Variants in SPOCK3 observed in about 807,000 individuals in gnomAD.
SPOCK3 encodes the protein testican-3.
A neutral mutation model predicts 56.6 loss-of-function variants in SPOCK3; 30 were observed. That is an observed-to-expected ratio of 0.53 (90% confidence interval 0.40 to 0.72). The LOEUF (loss-of-function observed/expected upper bound fraction) is 0.72. SPOCK3 is among the 30% of genes least tolerant of loss of function. The pLI is 0.00. For synonymous variants in SPOCK3, 196 were observed against 183.3 expected (o/e 1.07, Z -0.56); for missense variants, 527 against 530.0 (o/e 0.99, Z 0.06).
At chr4:167,223,895 C>T (rs538433486) in intron 2 of SPOCK3, among the ~76,000 whole-genome samples, 3 of 151,954 alleles carry the variant, frequency 2.0e-5, no homozygotes, top group Admixed American at 6.6e-5. Context: ...AAGAGTCTGT[C>T]GTATTTTTAT....
At chr4:167,031,568 A>G (rs1371134311) in intron 3 of SPOCK3, among the ~76,000 whole-genome samples, 1 of 152,084 alleles carries the variant, frequency 6.6e-6, no homozygotes, top group Admixed American at 6.6e-5. Context: ...AAATATTTGA[A>G]TTACAGAGCC....
At chr4:167,205,806 T>C (rs1363628875) in intron 2 of SPOCK3, among the ~76,000 whole-genome samples, 1 of 146,930 alleles carries the variant, frequency 6.8e-6, no homozygotes, top group African/African-American at 2.6e-5. Flanking sequence ...AGACGGGTTT[T>C]CACATGTTGG....
At chr4:167,023,868 T>C (rs940660086) in intron 3 of SPOCK3, among the ~76,000 whole-genome samples, 1 of 152,100 alleles carries the variant, frequency 6.6e-6, no homozygotes, top group African/African-American at 2.4e-5. Context: ...GACTGTTTTC[T>C]ATCCTGCTCT....
At chr4:166,900,715 C>T (rs572690177) in intron 5 of SPOCK3, among the ~76,000 whole-genome samples, 1 of 152,200 alleles carries the variant, frequency 6.6e-6, no homozygotes, top group East Asian at 1.9e-4. Flanking sequence ...TAATGGGTCT[C>T]TCTTTATAAA....
intron 2 of SPOCK3, among the ~76,000 whole-genome samples, chr4:167,223,734 G>A (rs1209927455): frequency 2.0e-5 from 3 of 152,088 alleles, no homozygotes; most frequent in Non-Finnish European, 4.4e-5. Context: ...AAGATCACTT[G>A]AGCCTAGGAG....
chr4:166,743,073 C>T (rs532184659), intron 8 of SPOCK3, among the ~76,000 whole-genome samples: 33 of 152,008 alleles, frequency 2.2e-4, no homozygotes, highest in African/African-American at 6.0e-4. Flanking sequence ...CGATCCCCCT[C>T]GGATACTAAG....
intron 2 of SPOCK3, among the ~76,000 whole-genome samples, chr4:167,168,739 C>A (rs1296018658): frequency 6.6e-6 from 1 of 152,042 alleles, no homozygotes; most frequent in Admixed American, 6.6e-5. Flanking sequence ...TAACAAGGAG[C>A]CAAATGTTAA....
At chr4:167,202,088 T>C (rs1733570178) in intron 2 of SPOCK3, among the ~76,000 whole-genome samples, 1 of 151,984 alleles carries the variant, frequency 6.6e-6, no homozygotes, top group South Asian at 2.1e-4. Context: ...ATAGAAAATG[T>C]TGTTTTATAA....
At chr4:167,141,902 G>GA (rs1763564410) in intron 2 of SPOCK3, among the ~76,000 whole-genome samples, 2 of 151,974 alleles carry the variant, frequency 1.3e-5, no homozygotes, top group South Asian at 4.1e-4. Context: ...TTAGAACAAA[G>GA]AAAAAATCTA....
chr4:167,215,622 A>G (rs1243350655), intron 2 of SPOCK3, among the ~76,000 whole-genome samples: 2 of 152,192 alleles, frequency 1.3e-5, no homozygotes, highest in African/African-American at 2.4e-5. Flanking sequence ...TGAAGAATGC[A>G]TGAAAGAGGA....
intron 4 of SPOCK3, among the ~76,000 whole-genome samples, chr4:166,933,803 A>G (rs1199598785): frequency 6.6e-6 from 1 of 152,170 alleles, no homozygotes; most frequent in Non-Finnish European, 1.5e-5. Context: ...ACCATTATAA[A>G]ATTCTTGGTT....
intron 4 of SPOCK3, among the ~76,000 whole-genome samples, chr4:166,950,411 T>C (rs1486530564): frequency 6.6e-6 from 1 of 151,684 alleles, no homozygotes; most frequent in Non-Finnish European, 1.5e-5. Flanking sequence ...ATGCACCCAA[T>C]ACAGGAGCAC....
chr4:166,789,358 G>C (rs1221888943), intron 7 of SPOCK3, among the ~76,000 whole-genome samples: 1 of 152,024 alleles, frequency 6.6e-6, no homozygotes, highest in Non-Finnish European at 1.5e-5. Flanking sequence ...GAACACTGGA[G>C]GGAGAGGTTG....
At chr4:166,742,664 T>C (rs1006971363) in intron 8 of SPOCK3, among the ~76,000 whole-genome samples, 1 of 152,166 alleles carries the variant, frequency 6.6e-6, no homozygotes, top group Non-Finnish European at 1.5e-5. Context: ...TTCAGCCATA[T>C]ATGCAATTTA....
chr4:167,205,326 AATATATATTATATATTATATATATAAT>A (rs1734024572), intron 2 of SPOCK3, among the ~76,000 whole-genome samples: 2 of 39,268 alleles, frequency 5.1e-5, no homozygotes, highest in African/African-American at 2.0e-4. Context: ...TTATATATAT[AATATATATTATATATTATATATATAAT>A]ATATATATTA....
At chr4:166,873,219 A>G (rs1732677167) in intron 6 of SPOCK3, among the ~76,000 whole-genome samples, 2 of 151,364 alleles carry the variant, frequency 1.3e-5, no homozygotes, top group African/African-American at 4.9e-5. Flanking sequence ...AAAAAAAAAA[A>G]AAACATCAGT....
rs563387317 is a variant in SPOCK3, at chr4:166,976,255, T to C, written c.350+24094A>G. ...GCATCATTGACTTCTCCTCTCTAAC[T>C]TGTTATCAAACGCTACTGGCTCTTC... is the stretch of plus-strand genomic sequence containing the variant. On this transcript the variant is annotated intron_variant, in intron 4 of 10. Transcript: ENST00000357545. Among the ~76,000 whole-genome samples, 5 of 152,300 alleles carry C rather than the reference T, an allele frequency of 3.3e-5. No homozygotes were observed. The South Asian group carries it at 8.3e-4, about 25-fold the overall frequency.
rs1391345164 is a variant in SPOCK3 at position 166,754,611 on chromosome 4, A to G, written c.828T>C (p.Asp276=). The G allele has an allele frequency of 3.7e-6, 6 of 1,613,772 alleles. No homozygotes were observed. In the East Asian group the frequency reaches 1.3e-4, roughly 36 times the overall value. The change falls in exon 8 of 11, where the codon GAT becomes GAC. Residue 276 remains aspartate (D), a synonymous_variant. Transcript: ENST00000357545. ...DQSELRSIYL[D]KNEQCTKAFF... The stretch of plus-strand genomic sequence containing the variant: ...ATGCCTTGGTACACTGTTCATTCTT[A>G]TCAAGGTAAATGCTTCTGAGCTCTG...
chr4:167,156,351 G>A (rs1764819075), intron 2 of SPOCK3, among the ~76,000 whole-genome samples: 1 of 152,140 alleles, frequency 6.6e-6, no homozygotes, highest in Admixed American at 6.6e-5. Flanking sequence ...CAGGGATGCA[G>A]TAACTTAGAA....
Sources: allele counts gnomAD v4.1 joint callset (sites outside exome capture counted in the v4.1 genomes callset), GRCh38; gene constraint gnomAD v4.1.1; transcripts MANE v1.5; gene names NCBI Gene and HGNC (gene_info 2026-07-23, HGNC 2026-07-21).